NUMB: variants seen among roughly 807,000 people sequenced by gnomAD.
NUMB encodes NUMB endocytic adaptor protein, also known as protein numb homolog.
A neutral mutation model predicts 59.7 loss-of-function variants in NUMB; 29 were observed. The ratio of observed to expected loss-of-function variants is 0.49; its 90% CI spans 0.36 to 0.66. The LOEUF is 0.66. NUMB is among the 30% of genes least tolerant of loss of function. The probability of loss-of-function intolerance (pLI) is 0.00; values close to 1 mark genes in which losing one functional copy is unlikely to be tolerated. For missense variants in NUMB, 723 were observed against 822.0 expected, an observed-to-expected ratio of 0.88 and a Z score of 1.47; for synonymous variants, 288 against 288.2, an observed-to-expected ratio of 1.00 and a Z score of 0.01.
chr14:73,299,857 T>C (rs577629355), intron 6 of NUMB, among the ~76,000 whole-genome samples: 1 of 152,132 alleles, frequency 6.6e-6, no homozygotes, highest in Non-Finnish European at 1.5e-5. Context: ...ATACTTGAAA[T>C]AGAATGGGCT....
chr14:73,334,206 C>T (rs537884939), intron 4 of NUMB, among the ~76,000 whole-genome samples: 37 of 152,204 alleles, frequency 2.4e-4, no homozygotes, highest in Admixed American at 8.5e-4. Flanking sequence ...TGTGAGCCAC[C>T]GCTTTAGTAT....
intron 2 of NUMB, among the ~76,000 whole-genome samples, chr14:73,372,313 A>ATATATATATATATATTTCTTT (rs1894725316): frequency 3.0e-5 from 3 of 98,704 alleles, no homozygotes; most frequent in Non-Finnish European, 5.6e-5. Context: ...TTTTATATAT[A>ATATATATATATATATTTCTTT]TATATATATA....
rs1390035108 is a variant in NUMB, at chr14:73,275,730, G to GTGAC, written c.*844_*847dup. 4.6e-5 allele frequency: 7 copies of GTGAC among 152,460 alleles called. No individual in the cohort carries two copies. Among genetic ancestry groups the GTGAC allele is most frequent in the Non-Finnish European group, 7.3e-5 (5 of 68,040 alleles). 9.4% of individuals were successfully genotyped at this position (152,460 alleles called of 1,614,324 possible). A position where few individuals can be genotyped will look rare whatever the true frequency, so the allele number is the denominator to read the frequency against. Reference sequence around the variant, plus strand: ...TTTATTTAAAAAAAACTACAACCTAGTGACTGTATTGGTCATAAGCATGAT... The same window carrying GTGAC: ...TTTATTTAAAAAAAACTACAACCTAGTGACTGACTGTATTGGTCATAAGCATGAT... On this transcript the variant is annotated 3_prime_UTR_variant, in exon 13 of 13. Coordinates refer to ENST00000555238, the MANE Select transcript of NUMB (RefSeq NM_001005743.2).
chr14:73,372,319 A>ATATATATATATATATAACCTTT (rs1566766466), intron 2 of NUMB, among the ~76,000 whole-genome samples: 41 of 107,770 alleles, frequency 3.8e-4, no homozygotes, highest in African/African-American at 1.2e-3. Flanking sequence ...ATATATATAT[A>ATATATATATATATATAACCTTT]TATATATATA....
chr14:73,452,858 G>C (rs1884081499), intron 1 of NUMB, among the ~76,000 whole-genome samples: 2 of 152,128 alleles, frequency 1.3e-5, no homozygotes, highest in South Asian at 4.1e-4. Context: ...CTTTCTTGAG[G>C]GGAAGAAAAC....
intron 6 of NUMB, among the ~76,000 whole-genome samples, chr14:73,311,830 A>G (rs1195925208): frequency 6.6e-6 from 1 of 152,230 alleles, no homozygotes; most frequent in East Asian, 1.9e-4. Context: ...TCATCAAACC[A>G]CAATTGACCT....
At chr14:73,286,923 A>C (rs1031089552) in intron 9 of NUMB, 187 bp downstream of exon 9, 1 of 610,712 alleles carries the variant, frequency 1.6e-6, no homozygotes. Context: ...TGGAGTAAAT[A>C]TTTTTGAAGC....
chr14:73,350,074 T>TACACACACACACACACACACAC lies in NUMB; in HGVS notation c.126+5551_126+5552insGTGTGTGTGTGTGTGTGTGTGT, dbSNP rs1172254479. Among the ~76,000 whole-genome samples the TACACACACACACACACACACAC allele has an allele frequency of 2.3e-3, 296 of 131,068 alleles. 1 individual carries two copies. Among genetic ancestry groups the TACACACACACACACACACACAC allele is most frequent in the African/African-American group, 8.7e-3 (284 of 32,542 alleles). The allele number at this position is 131,068 out of a possible 152,430, so 86.0% of individuals were successfully genotyped here. A position where few individuals can be genotyped will look rare whatever the true frequency, so the allele number is the denominator to read the frequency against. The stretch of plus-strand genomic sequence containing the variant: ...ATACATACATATATACATACATACA[T>TACACACACACACACACACACAC]ACATACACACACACACACACACACA... On this transcript the variant is annotated intron_variant, in intron 4 of 12. Transcript: ENST00000555238.
intron 4 of NUMB, among the ~76,000 whole-genome samples, chr14:73,328,572 T>C (rs984971315): frequency 1.3e-5 from 2 of 152,210 alleles, no homozygotes; most frequent in African/African-American, 4.8e-5. Flanking sequence ...TGCTCAGCAA[T>C]TGGTATCGTC....
intron 6 of NUMB, among the ~76,000 whole-genome samples, chr14:73,305,765 AACC>A (rs1437069498): frequency 6.6e-6 from 1 of 152,214 alleles, no homozygotes; most frequent in Non-Finnish European, 1.5e-5. Flanking sequence ...TTCAGCTACA[AACC>A]AAAGAGGTCT....
At chr14:73,280,446 AT>A (rs367916467) in intron 11 of NUMB, among the ~76,000 whole-genome samples, 49 of 150,960 alleles carry the variant, frequency 3.2e-4, no homozygotes, top group South Asian at 8.3e-4. Context: ...TTTAACAAAG[AT>A]TTTTTTCCCC....
intron 4 of NUMB, among the ~76,000 whole-genome samples, chr14:73,331,371 C>T (rs1390624228): frequency 6.6e-6 from 1 of 152,010 alleles, no homozygotes; most frequent in African/African-American, 2.4e-5. Context: ...CGGTGAAACC[C>T]CATCTCTCCT....
intron 6 of NUMB, among the ~76,000 whole-genome samples, chr14:73,311,737 A>G (rs1890786947): frequency 6.6e-6 from 1 of 152,242 alleles, no homozygotes; most frequent in Non-Finnish European, 1.5e-5. Flanking sequence ...AAAGAATAAC[A>G]AAGTATCAAA....
chr14:73,454,201 T>TA (rs1237130350), intron 1 of NUMB, among the ~76,000 whole-genome samples: 8 of 151,588 alleles, frequency 5.3e-5, no homozygotes, highest in Non-Finnish European at 2.9e-5. Context: ...GAATCTAAAC[T>TA]AAAAGTTGAA....
intron 2 of NUMB, among the ~76,000 whole-genome samples, chr14:73,403,619 G>A (rs1350382633): frequency 1.3e-5 from 2 of 152,218 alleles, no homozygotes; most frequent in Admixed American, 6.5e-5. Context: ...ATTACCAGAA[G>A]TATGTCATCA....
At chr14:73,423,338 G>GA (rs34877673) in intron 1 of NUMB, among the ~76,000 whole-genome samples, 1,503 of 110,918 alleles carry the variant, frequency 0.014, 14 homozygotes, top group South Asian at 0.054. Flanking sequence ...TGTCTCTACT[G>GA]AAAAAAAAAA....
intron 1 of NUMB, among the ~76,000 whole-genome samples, chr14:73,440,168 A>G (rs1328614471): frequency 6.7e-6 from 1 of 149,384 alleles, no homozygotes; most frequent in Non-Finnish European, 1.5e-5. Flanking sequence ...AATGGTCTCA[A>G]CTAATGCTGC....
At chr14:73,389,305 A>AAAAAAC (rs1895728453) in intron 2 of NUMB, among the ~76,000 whole-genome samples, 1 of 139,674 alleles carries the variant, frequency 7.2e-6, no homozygotes, top group African/African-American at 2.5e-5. Flanking sequence ...AAAAACAAAA[A>AAAAAAC]CACTGGTCTC....
chr14:73,277,354 A>G, intron 12 of NUMB, 61 bp from the exon 13 acceptor site: 1 of 1,281,678 alleles, frequency 7.8e-7, no homozygotes, highest in Non-Finnish European at 1.1e-6. Context: ...TCACCTTATA[A>G]TCTTGGTTAT....
Sources: gnomAD v4.1 joint callset for allele counts (sites outside exome capture counted in the v4.1 genomes callset) on GRCh38, gnomAD v4.1.1 for gene constraint, MANE v1.5 for transcripts, NCBI Gene and HGNC (gene_info 2026-07-23, HGNC 2026-07-21) for gene names.